Variants in CDKN2AIPNL observed in about 807,000 individuals in gnomAD.
CDKN2AIPNL encodes the protein CDKN2AIP N-terminal-like protein.
In CDKN2AIPNL, 9 loss-of-function variants were observed where a neutral mutation model predicts 12.9. The observed-to-expected ratio is 0.70, with a 90% CI of 0.42 to 1.22. The LOEUF (loss-of-function observed/expected upper bound fraction) is 1.22, where lower values mean the gene tolerates loss of function less well. Among genes scored for constraint, CDKN2AIPNL ranks in the 50% most tolerant of loss-of-function variants. The probability of loss-of-function intolerance (pLI) is 0.00; values close to 1 mark genes in which losing one functional copy is unlikely to be tolerated. For missense variants in CDKN2AIPNL, 143 were observed against 153.6 expected, an observed-to-expected ratio of 0.93 and a Z score of 0.37; for synonymous variants, 53 against 61.7, an observed-to-expected ratio of 0.86 and a Z score of 0.66.
At chr5:134,410,887 A>G (rs1759181333) in intron 1 of CDKN2AIPNL, 2 of 634,004 alleles carry the variant, frequency 3.2e-6, no homozygotes, top group Non-Finnish European at 5.6e-6. Context: ...TCTAATAGGG[A>G]GTCTCAAGAT....
chr5:134,404,480 T>G (rs1759072194), intron 2 of CDKN2AIPNL, among the ~76,000 whole-genome samples: 1 of 152,072 alleles, frequency 6.6e-6, no homozygotes, highest in African/African-American at 2.4e-5. Flanking sequence ...TGCGCAACTA[T>G]GCCCAGGTAG....
rs1561688670 is a variant in CDKN2AIPNL at position 134,409,858 on chromosome 5, TA to T, written c.339+44del. 4 of 1,285,442 alleles carry T rather than the reference TA, an allele frequency of 3.1e-6. No homozygotes were observed. In the Admixed American group the frequency reaches 5.2e-5, roughly 17 times the overall value. 79.6% of individuals were successfully genotyped at this position (1,285,442 alleles called of 1,614,324 possible). ...ATAGTGTCATCAAGGCAGGGACTGT[TA>T]ACTCTACACCATTTCATCACATGCA... On this transcript the variant is annotated intron_variant, in intron 2 of 2. Coordinates refer to ENST00000458198, the MANE Select transcript of CDKN2AIPNL (RefSeq NM_080656.3).
chr5:134,410,094 C>T, intron 1 of CDKN2AIPNL, 92 bp from the exon 2 acceptor site: 2 of 850,032 alleles, frequency 2.4e-6, no homozygotes, highest in Non-Finnish European at 3.8e-6. Context: ...ATAAAATCAG[C>T]TCTCAGAGAA....
At chr5:134,409,529 G>A (rs182277853) in intron 2 of CDKN2AIPNL, among the ~76,000 whole-genome samples, 4 of 152,150 alleles carry the variant, frequency 2.6e-5, no homozygotes, top group South Asian at 2.1e-4. Flanking sequence ...AAGTCAGGTC[G>A]GCACTCACAC....
At chr5:134,405,254 C>A (rs528484070) in intron 2 of CDKN2AIPNL, among the ~76,000 whole-genome samples, 2 of 145,406 alleles carry the variant, frequency 1.4e-5, no homozygotes, top group Non-Finnish European at 3.0e-5. Flanking sequence ...TACAGGCGCC[C>A]GCCACCGCGC....
rs749298194 is a variant in CDKN2AIPNL at position 134,409,919 on chromosome 5, C to T, written c.323G>A (p.Ser108Asn). The change falls in exon 2 of 3, where the codon AGT becomes AAT. Residue 108 changes from serine (S) to asparagine (N), a missense_variant. This residue lies in a region of CDKN2AIPNL where 111 missense variants were observed against 111.4 expected (regional missense o/e 1.00). Transcript: ENST00000458198. ...VEDLPQFTTRSELMKKHQS is the reference protein window; with the variant it reads ...VEDLPQFTTRNELMKKHQS ...CCTATTTACCTTTTTCATTAATTCA[C>T]TTCTGGTAGTAAATTGTGGCAGGTC... is the stretch of plus-strand genomic sequence containing the variant. The T allele has an allele frequency of 6.2e-7, 1 of 1,610,224 alleles. No homozygotes were observed.
intron 2 of CDKN2AIPNL, among the ~76,000 whole-genome samples, chr5:134,406,524 GA>G (rs1759105925): frequency 1.3e-5 from 2 of 152,204 alleles, no homozygotes; most frequent in African/African-American, 2.4e-5. Context: ...ATTCAATGGA[GA>G]GGGGACAGCC....
intron 2 of CDKN2AIPNL, among the ~76,000 whole-genome samples, chr5:134,405,505 C>T (rs1301108247): frequency 6.6e-6 from 1 of 151,952 alleles, no homozygotes; most frequent in African/African-American, 2.4e-5. Flanking sequence ...CAACCTCCAC[C>T]TCCCGGGTTC....
At chr5:134,409,802 T>A in intron 2 of CDKN2AIPNL, 101 bp downstream of exon 2, 1 of 695,998 alleles carries the variant, frequency 1.4e-6, no homozygotes, top group Non-Finnish European at 2.5e-6. Flanking sequence ...TTTGGGGCAG[T>A]AAAGAGCATT....
At position 134,402,325 on chromosome 5, in the gene CDKN2AIPNL, C is replaced by G. The variant is rs1394333951; in HGVS notation, c.*590G>C. The G allele has an allele frequency of 6.6e-6, 1 of 152,114 alleles. No homozygotes were observed. Among genetic ancestry groups the G allele is most frequent in the Non-Finnish European group, 1.5e-5 (1 of 68,058 alleles). The allele number at this position is 152,114 out of a possible 1,614,324, so 9.4% of individuals were successfully genotyped here. ...GTGTTGGCCAGGCTGGTCTCAAACT[C>G]CTAACCTCAGGTGATCTGCTCACCT... On this transcript the variant is annotated 3_prime_UTR_variant, in exon 3 of 3. Transcript: ENST00000458198.
intron 2 of CDKN2AIPNL, among the ~76,000 whole-genome samples, chr5:134,407,673 G>A (rs761751879): frequency 1.3e-5 from 2 of 151,696 alleles, no homozygotes; most frequent in Non-Finnish European, 1.5e-5. Context: ...TTCTTGGGAC[G>A]CTGAGGCAAG....
chr5:134,405,317 A>T, intron 2 of CDKN2AIPNL, among the ~76,000 whole-genome samples: 1 of 148,278 alleles, frequency 6.7e-6, no homozygotes, highest in Non-Finnish European at 1.5e-5. Flanking sequence ...GTGTTAGCCA[A>T]GATGGTCTCG....
At position 134,402,908 on chromosome 5, in the gene CDKN2AIPNL, T is replaced by C; in HGVS notation, c.*7A>G. 1.9e-6 allele frequency: 3 copies of C among 1,609,210 alleles called. No homozygotes were observed. Among genetic ancestry groups the C allele is most frequent in the Non-Finnish European group, 2.5e-6 (3 of 1,179,234 alleles). On this transcript the variant is annotated 3_prime_UTR_variant, in exon 3 of 3. Transcript: ENST00000458198. Reference sequence around the variant, plus strand: ...GCTGATGATGAAAATGTGATAAATCTTCTGGCTTAGCTTTGATGCTGGGAA... The same window carrying C: ...GCTGATGATGAAAATGTGATAAATCCTCTGGCTTAGCTTTGATGCTGGGAA...
intron 2 of CDKN2AIPNL, 28 bp from the exon 3 acceptor site, chr5:134,402,954 C>T (rs780762266): frequency 5.0e-5 from 80 of 1,596,522 alleles, no homozygotes; most frequent in Non-Finnish European, 6.3e-5. Context: ...GAAAAGGTTA[C>T]ATAACCATGT....
intron 2 of CDKN2AIPNL, among the ~76,000 whole-genome samples, chr5:134,404,806 G>A (rs533337353): frequency 6.6e-6 from 1 of 151,382 alleles, no homozygotes; most frequent in South Asian, 2.1e-4. Flanking sequence ...TCTTTTTTTT[G>A]AAACAGTCTC....
chr5:134,410,693 G>T, intron 1 of CDKN2AIPNL: 1 of 246,886 alleles, frequency 4.1e-6, no homozygotes, highest in Non-Finnish European at 7.8e-6. Flanking sequence ...GAAAAGGGAC[G>T]GGTGCCTCTG....
rs1189867298 is a variant in CDKN2AIPNL at position 134,402,882 on chromosome 5, A to C, written c.*33T>G. 6.2e-7 allele frequency: 1 copy of C among 1,604,110 alleles called. No individual in the cohort carries two copies. The highest frequency in any genetic ancestry group is 8.5e-7 in the Non-Finnish European group (1 of 1,174,852). On this transcript the variant is annotated 3_prime_UTR_variant, in exon 3 of 3. Coordinates refer to ENST00000458198, the MANE Select transcript of CDKN2AIPNL (RefSeq NM_080656.3). The stretch of plus-strand genomic sequence containing the variant: ...ATCCCAGCCTCCTTTCTAATCCTGT[A>C]GCTGATGATGAAAATGTGATAAATC...
chr5:134,406,818 C>T (rs1053790915), intron 2 of CDKN2AIPNL, among the ~76,000 whole-genome samples: 6 of 152,154 alleles, frequency 3.9e-5, no homozygotes, highest in Non-Finnish European at 8.8e-5. Flanking sequence ...TGCGGGTAGC[C>T]GTGAGCAAGC....
At position 134,411,876 on chromosome 5, in the gene CDKN2AIPNL, C is replaced by A. The variant is rs1450661790; in HGVS notation, c.-22G>T. On this transcript the variant is annotated 5_prime_UTR_variant, in exon 1 of 3. Transcript: ENST00000458198. ...CCATGGTGCCCGCCGCAGCCGAGGA[C>A]CGGATAGCCCGCCGCCTTCCCGACG... 1.9e-6 allele frequency: 3 copies of A among 1,543,840 alleles called. No homozygotes were observed. The highest frequency in any genetic ancestry group is 3.9e-5 in the Admixed American group (2 of 51,182).
Sources: allele counts gnomAD v4.1 joint callset (sites outside exome capture counted in the v4.1 genomes callset), GRCh38; gene constraint gnomAD v4.1.1; regional missense constraint gnomAD v4.1.1; transcripts MANE v1.5; gene names NCBI Gene and HGNC (gene_info 2026-07-23, HGNC 2026-07-21).